The following ELAVL4 variants were observed in gnomAD, a reference collection of about 807,000 sequenced individuals.
ELAVL4 encodes ELAV like RNA binding protein 4, also known as ELAV-like protein 4.
A neutral mutation model predicts 35.6 loss-of-function variants in ELAVL4; 1 was observed. The ratio of observed to expected loss-of-function variants is 0.03; its 90% CI spans 0.01 to 0.13. ELAVL4 has a LOEUF of 0.13. Among genes scored for constraint, ELAVL4 ranks in the 10% least tolerant of loss-of-function variants. The pLI, the probability that ELAVL4 is intolerant of heterozygous loss-of-function variation, is 1.00. For missense variants in ELAVL4, 267 were observed against 464.9 expected (o/e 0.57, Z 3.91); for synonymous variants, 156 against 171.0 (o/e 0.91, Z 0.69).
At chr1:50,091,745 A>G (rs1379965416) in intron 1 of ELAVL4, among the ~76,000 whole-genome samples, 1 of 152,172 alleles carries the variant, frequency 6.6e-6, no homozygotes, top group Non-Finnish European at 1.5e-5. Flanking sequence ...TGTTGTATTG[A>G]AACAACATTT....
At chr1:50,147,662 T>C (rs1009021311) in intron 2 of ELAVL4, among the ~76,000 whole-genome samples, 1 of 152,088 alleles carries the variant, frequency 6.6e-6, no homozygotes, top group Non-Finnish European at 1.5e-5. Flanking sequence ...ATCATGGGTA[T>C]TTTTGTTGCC....
intron 1 of ELAVL4, among the ~76,000 whole-genome samples, chr1:50,127,258 G>A (rs910751249): frequency 1.3e-5 from 2 of 151,996 alleles, no homozygotes; most frequent in Non-Finnish European, 2.9e-5. Flanking sequence ...TGCCTGCTGG[G>A]AGTAAGAAGT....
upstream of ELAVL4, among the ~76,000 whole-genome samples, chr1:50,105,462 T>G (rs1157632454): frequency 6.6e-6 from 1 of 152,218 alleles, no homozygotes; most frequent in Non-Finnish European, 1.5e-5. Flanking sequence ...GAGAAGGAAT[T>G]TTATTTATTT....
chr1:50,117,015 G>A (rs1237080702), intron 1 of ELAVL4, among the ~76,000 whole-genome samples: 1 of 152,064 alleles, frequency 6.6e-6, no homozygotes, highest in Non-Finnish European at 1.5e-5. Context: ...ATTCCCCAAA[G>A]GAAGCTTTAC....
chr1:50,170,727 C>A (rs2148803675), intron 2 of ELAVL4, among the ~76,000 whole-genome samples: 1 of 152,264 alleles, frequency 6.6e-6, no homozygotes, highest in South Asian at 2.1e-4. Context: ...GGAACCACAC[C>A]TTGAGTAGCA....
intron 6 of ELAVL4, among the ~76,000 whole-genome samples, chr1:50,198,702 A>G (rs548149076): frequency 6.6e-6 from 1 of 152,302 alleles, no homozygotes; most frequent in African/African-American, 2.4e-5. Flanking sequence ...TGTTGTGAAA[A>G]GAGAAATGCT....
chr1:50,074,623 T>C lies in ELAVL4; in HGVS notation c.18+26441T>C, dbSNP rs573005166. On this transcript the variant is annotated intron_variant, in intron 1 of 6. Transcript: ENST00000448907. ...AAAGTGCAATTACTATATGGTGAGCTCAGTGCTTCAACAGCTGTGGGAGTT... is the reference window on the plus strand; with the variant it reads ...AAAGTGCAATTACTATATGGTGAGCCCAGTGCTTCAACAGCTGTGGGAGTT... 3.9e-5 allele frequency among the ~76,000 whole-genome samples: 6 copies of C among 152,286 alleles called. No individual in the cohort carries two copies. The East Asian group carries it at 7.7e-4, about 20-fold the overall frequency.
At chr1:50,183,721 T>G (rs1270974971) in intron 3 of ELAVL4, among the ~76,000 whole-genome samples, 2 of 152,200 alleles carry the variant, frequency 1.3e-5, no homozygotes, top group African/African-American at 4.8e-5. Context: ...CTCTCCTCCC[T>G]GCATCCACCT....
chr1:50,179,594 A>G (rs78803297), intron 3 of ELAVL4: 6 of 152,146 alleles, frequency 3.9e-5, no homozygotes, highest in Admixed American at 3.3e-4. Flanking sequence ...CATGAGATCT[A>G]TCTCTTTGCT....
chr1:50,169,717 C>G (rs147828360), intron 2 of ELAVL4, among the ~76,000 whole-genome samples: 1 of 152,296 alleles, frequency 6.6e-6, no homozygotes, highest in African/African-American at 2.4e-5. Context: ...TAGGGAAACT[C>G]TATCAAAACT....
intron 1 of ELAVL4, among the ~76,000 whole-genome samples, chr1:50,119,877 G>T (rs61784178): frequency 4.6e-5 from 7 of 151,908 alleles, no homozygotes; most frequent in Non-Finnish European, 7.4e-5. Context: ...GGCAGGTACT[G>T]TTAACTCTTT....
chr1:50,065,161 A>G (rs567868937), intron 1 of ELAVL4, among the ~76,000 whole-genome samples: 1 of 152,246 alleles, frequency 6.6e-6, no homozygotes, highest in Admixed American at 6.5e-5. Context: ...CCTCTATAAA[A>G]CAAAGGTGAT....
intron 1 of ELAVL4, 62 bp downstream of exon 1, chr1:50,109,260 A>G (rs953924520): frequency 9.7e-6 from 15 of 1,546,864 alleles, no homozygotes; most frequent in Non-Finnish European, 1.2e-5. Flanking sequence ...AAGCATCTAC[A>G]CCTTGACCAG....
At chr1:50,094,935 T>A (rs1665657777) in intron 1 of ELAVL4, among the ~76,000 whole-genome samples, 1 of 151,292 alleles carries the variant, frequency 6.6e-6, no homozygotes, top group Non-Finnish European at 1.5e-5. Flanking sequence ...ATCTCAAAAA[T>A]AAAAAAATAA....
chr1:50,136,485 T>C (rs920511292), intron 1 of ELAVL4, among the ~76,000 whole-genome samples: 4 of 152,222 alleles, frequency 2.6e-5, no homozygotes, highest in African/African-American at 9.6e-5. Flanking sequence ...TAAACATTAT[T>C]CTTCATGCAC....
Position 50,193,855 on chromosome 1 carries a change from G to C in ELAVL4, c.445G>C (p.Glu149Gln), listed in dbSNP as rs1683042550. The change falls in exon 4 of 7, where the codon GAG becomes CAG. Residue 149 changes from glutamate (E) to glutamine (Q), a missense_variant. Around this residue, in one of 2 missense-constraint regions of ELAVL4, gnomAD observed 216 missense variants for 409.5 expected, o/e 0.53. Transcript: ENST00000371824. ...CAAAACCATGACCCAGAAGGAACTGGAGCAACTTTTCTCGCAATACGGCCG... is the reference window on the plus strand; with the variant it reads ...CAAAACCATGACCCAGAAGGAACTGCAGCAACTTTTCTCGCAATACGGCCG... The part of the protein sequence containing the change: ...LPKTMTQKEL[E>Q]QLFSQYGRII... The C allele has an allele frequency of 6.2e-7, 1 of 1,614,078 alleles. No homozygotes were observed.
intron 1 of ELAVL4, among the ~76,000 whole-genome samples, chr1:50,144,105 T>A (rs188579950): frequency 4.6e-5 from 7 of 152,342 alleles, no homozygotes; most frequent in African/African-American, 1.7e-4. Context: ...CCTGTCTGTG[T>A]CCTCTATAGA....
chr1:50,109,557 C>A, intron 1 of ELAVL4: 1 of 363,226 alleles, frequency 2.8e-6, no homozygotes, highest in South Asian at 4.4e-5. Flanking sequence ...TGTCTACGTG[C>A]CTGGGTTTTG....
upstream of ELAVL4, among the ~76,000 whole-genome samples, chr1:50,101,721 A>T (rs2148514144): frequency 6.6e-6 from 1 of 152,090 alleles, no homozygotes; most frequent in East Asian, 2.0e-4. Flanking sequence ...GGCTGGGCAA[A>T]ATACTGAGAC....
Sources: allele counts gnomAD v4.1 joint callset (sites outside exome capture counted in the v4.1 genomes callset), GRCh38; gene constraint gnomAD v4.1.1; regional missense constraint gnomAD v4.1.1; transcripts MANE v1.5; gene names NCBI Gene and HGNC (gene_info 2026-07-23, HGNC 2026-07-21).